MYO3B: variants seen among roughly 807,000 people sequenced by gnomAD.
MYO3B encodes the protein myosin IIIB.
A neutral mutation model predicts 174.6 loss-of-function variants in MYO3B; 156 were observed. The observed-to-expected ratio is 0.89, with a 90% confidence interval of 0.78 to 1.02. MYO3B has a LOEUF of 1.02. Among genes scored for constraint, MYO3B ranks in the 50% least tolerant of loss-of-function variants. The pLI, the probability that MYO3B is intolerant of heterozygous loss-of-function variation, is 0.00. For synonymous variants in MYO3B, 563 were observed against 569.1 expected (o/e 0.99, Z 0.15); for missense variants, 1,632 against 1,639.4 (o/e 1.00, Z 0.08).
At chr2:170,581,754 A>G (rs1693163654) in intron 32 of MYO3B, among the ~76,000 whole-genome samples, 2 of 152,206 alleles carry the variant, frequency 1.3e-5, no homozygotes, top group Non-Finnish European at 2.9e-5. Context: ...AATTTTAGCT[A>G]AACAACCTAA....
At chr2:170,590,300 T>A (rs533203936) in intron 32 of MYO3B, among the ~76,000 whole-genome samples, 2 of 151,954 alleles carry the variant, frequency 1.3e-5, no homozygotes, top group Non-Finnish European at 2.9e-5. Context: ...AAATGAGGGG[T>A]TTCTTTCTCA....
intron 25 of MYO3B, among the ~76,000 whole-genome samples, chr2:170,489,213 G>A (rs1686271175): frequency 6.6e-6 from 1 of 152,186 alleles, no homozygotes; most frequent in Non-Finnish European, 1.5e-5. Context: ...TCTGTACAAA[G>A]AAAGAGTTTT....
At chr2:170,468,478 C>T (rs1684778841) in intron 25 of MYO3B, among the ~76,000 whole-genome samples, 1 of 152,170 alleles carries the variant, frequency 6.6e-6, no homozygotes, top group Non-Finnish European at 1.5e-5. Context: ...GGAAAGACTT[C>T]CCCAGTTCCC....
chr2:170,193,312 T>C (rs1293872775), intron 1 of MYO3B, among the ~76,000 whole-genome samples: 1 of 152,084 alleles, frequency 6.6e-6, no homozygotes, highest in Non-Finnish European at 1.5e-5. Flanking sequence ...TTTATGTTCT[T>C]TGATAGTTTT....
chr2:170,236,791 T>G (rs1369607920), intron 7 of MYO3B, among the ~76,000 whole-genome samples: 1 of 152,226 alleles, frequency 6.6e-6, no homozygotes, highest in Non-Finnish European at 1.5e-5. Flanking sequence ...CAGGGACTCC[T>G]TCCCAACCAG....
intron 3 of MYO3B, among the ~76,000 whole-genome samples, chr2:170,201,248 T>C (rs1373819552): frequency 1.3e-5 from 2 of 152,208 alleles, no homozygotes; most frequent in Admixed American, 6.5e-5. Context: ...GTATATGAAT[T>C]AATATATTAG....
At chr2:170,209,165 T>G (rs1478377739) in intron 3 of MYO3B, among the ~76,000 whole-genome samples, 1 of 152,178 alleles carries the variant, frequency 6.6e-6, no homozygotes, top group Non-Finnish European at 1.5e-5. Context: ...GTTTCTCCAA[T>G]TGCATCATAC....
intron 30 of MYO3B, chr2:170,524,473 T>C: frequency 2.3e-6 from 1 of 438,402 alleles, no homozygotes; most frequent in Non-Finnish European, 4.5e-6. Flanking sequence ...TCCTGGGCAC[T>C]GTGCTAAGTG....
chr2:170,514,902 T>G lies in MYO3B; in HGVS notation c.3371-19T>G. 6.2e-7 allele frequency: 1 copy of G among 1,609,702 alleles called. No homozygotes were observed. Among genetic ancestry groups the G allele is most frequent in the Admixed American group, 1.7e-5 (1 of 59,718 alleles). ...GTGGGAGCATAACCTTGAGAAAGTC[T>G]TTTTGTTTCATTCCACAGGGGACAC... On this transcript the variant is annotated intron_variant, in intron 28 of 34. Transcript: ENST00000408978.
At chr2:170,519,563 T>G (rs906546254) in intron 30 of MYO3B, 23 bp downstream of exon 30, 11 of 1,584,712 alleles carry the variant, frequency 6.9e-6, no homozygotes, top group East Asian at 2.2e-5. Flanking sequence ...TGCTAAGAGT[T>G]CCCTGTTGTA....
chr2:170,332,652 G>T (rs940850802), intron 7 of MYO3B, among the ~76,000 whole-genome samples: 1 of 152,134 alleles, frequency 6.6e-6, no homozygotes, highest in Non-Finnish European at 1.5e-5. Flanking sequence ...GATCAAATGA[G>T]GTTCTCTTAA....
chr2:170,221,778 G>A lies in MYO3B; in HGVS notation c.603+4383G>A, dbSNP rs375378191. Among the ~76,000 whole-genome samples the A allele has an allele frequency of 1.5e-4, 23 of 152,254 alleles. No homozygotes were observed. In the East Asian group the frequency reaches 2.5e-3, roughly 17 times the overall value. On this transcript the variant is annotated intron_variant, in intron 6 of 34. Transcript: ENST00000408978. ...GATGGGGTCTTACCATGTTGCCCAG[G>A]CTGGTCTCCAACTCCTAAGCTCAAG...
chr2:170,274,075 G>C lies in MYO3B; in HGVS notation c.749+37939G>C, dbSNP rs538116294. On this transcript the variant is annotated intron_variant, in intron 7 of 34. Coordinates refer to ENST00000408978, the MANE Select transcript of MYO3B (RefSeq NM_138995.5). ...ATATTAGACATATATCAGATGCATA[G>C]GCAAAGCAAACTACGAGAGAGAGAG... Among the ~76,000 whole-genome samples the C allele has an allele frequency of 7.1e-4, 108 of 151,800 alleles. 1 individual carries two copies. The highest frequency in any genetic ancestry group is 1.4e-3 in the Non-Finnish European group (93 of 67,980).
chr2:170,202,355 T>A (rs995505543), intron 3 of MYO3B, among the ~76,000 whole-genome samples: 1 of 152,214 alleles, frequency 6.6e-6, no homozygotes, highest in African/African-American at 2.4e-5. Flanking sequence ...CTCAGTCTTT[T>A]CTGTCCCAGG....
intron 32 of MYO3B, chr2:170,602,300 G>C (rs1694563226): frequency 6.9e-6 from 5 of 720,350 alleles, no homozygotes; most frequent in African/African-American, 3.5e-5. Context: ...CCCCGGCACT[G>C]TCTCTGTGGA....
chr2:170,347,619 T>C (rs2094026638), intron 8 of MYO3B, among the ~76,000 whole-genome samples: 1 of 151,632 alleles, frequency 6.6e-6, no homozygotes, highest in South Asian at 2.1e-4. Context: ...AAAAAGAAAA[T>C]AAATCAAGTG....
chr2:170,267,146 G>C (rs1326304268), intron 7 of MYO3B, among the ~76,000 whole-genome samples: 1 of 46,638 alleles, frequency 2.1e-5, no homozygotes, highest in African/African-American at 3.2e-5. Context: ...ACAGCAGCTG[G>C]GGGTAGGGTG....
At chr2:170,338,323 GTAC>G (rs890585196) in intron 8 of MYO3B, 15 of 152,238 alleles carry the variant, frequency 9.9e-5, no homozygotes, top group African/African-American at 3.4e-4. Flanking sequence ...ATGTGGTTTA[GTAC>G]TAGTTTAAGA....
intron 16 of MYO3B, 23 bp from the exon 17 acceptor site, chr2:170,400,165 A>G: frequency 1.2e-6 from 2 of 1,613,874 alleles, no homozygotes; most frequent in South Asian, 2.2e-5. Context: ...ACCTTCATAT[A>G]TGGTTCTTGA....
Sources: allele counts gnomAD v4.1 joint callset (sites outside exome capture counted in the v4.1 genomes callset), GRCh38; gene constraint gnomAD v4.1.1; transcripts MANE v1.5; gene names NCBI Gene and HGNC (gene_info 2026-07-23, HGNC 2026-07-21).